Variants in KIAA2012 observed in about 807,000 individuals in gnomAD.
KIAA2012 encodes uncharacterized protein KIAA2012.
KIAA2012 carries 125 observed loss-of-function variants against 150.6 expected under a neutral mutation model. The observed-to-expected ratio is 0.83, with a 90% CI of 0.72 to 0.96. The LOEUF (loss-of-function observed/expected upper bound fraction) is 0.96, where lower values mean the gene tolerates loss of function less well. Among genes scored for constraint, KIAA2012 ranks in the 40% least tolerant of loss-of-function variants. The pLI is 0.00. For missense variants in KIAA2012, 1,219 were observed against 1,354.9 expected, an observed-to-expected ratio of 0.90 and a Z score of 1.57; for synonymous variants, 462 against 504.7, an observed-to-expected ratio of 0.92 and a Z score of 1.13.
At chr2:202,181,587 A>AT (rs1224306682) in intron 15 of KIAA2012, among the ~76,000 whole-genome samples, 1 of 152,056 alleles carries the variant, frequency 6.6e-6, no homozygotes, top group Non-Finnish European at 1.5e-5. Flanking sequence ...GTCTCTAAGA[A>AT]TAAAAAAAAA....
At chr2:202,076,332 A>C (rs1436248483) in intron 2 of KIAA2012, among the ~76,000 whole-genome samples, 1 of 152,146 alleles carries the variant, frequency 6.6e-6, no homozygotes, top group Non-Finnish European at 1.5e-5. Flanking sequence ...GTCATGCATG[A>C]TATTTTCAAT....
chr2:202,143,658 G>A (rs970313060), intron 13 of KIAA2012, among the ~76,000 whole-genome samples: 26 of 150,806 alleles, frequency 1.7e-4, no homozygotes, highest in South Asian at 4.2e-4. Context: ...AAATAATCTC[G>A]GACTCAGTGT....
chr2:202,147,724 CCTGT>C (rs2105948892), intron 13 of KIAA2012, among the ~76,000 whole-genome samples: 2 of 152,162 alleles, frequency 1.3e-5, no homozygotes, highest in Admixed American at 1.3e-4. Flanking sequence ...GTTGAGATTC[CCTGT>C]CTGTCGGTTG....
intron 23 of KIAA2012, among the ~76,000 whole-genome samples, chr2:202,204,250 T>C (rs1692594592): frequency 6.6e-6 from 1 of 151,892 alleles, no homozygotes; most frequent in South Asian, 2.1e-4. Flanking sequence ...CTAATTTGTA[T>C]ATTTTTAGTA....
chr2:202,188,339 T>C, intron 18 of KIAA2012, 73 bp downstream of exon 18: 1 of 1,191,856 alleles, frequency 8.4e-7, no homozygotes, highest in Non-Finnish European at 1.2e-6. Flanking sequence ...TATGGATAAT[T>C]AGCATGGATC....
In KIAA2012 at chr2:202,104,837, A is replaced by T. The variant is rs547274145; in HGVS notation, c.1325-924A>T. Reference sequence around the variant, plus strand: ...GACATCAAAACATCAGAATGAAAAGATACACTTAATAAAAAGACAGACAAT... The same window carrying T: ...GACATCAAAACATCAGAATGAAAAGTTACACTTAATAAAAAGACAGACAAT... On this transcript the variant is annotated intron_variant, in intron 8 of 23. Coordinates refer to ENST00000498697, the MANE Select transcript of KIAA2012 (RefSeq NM_001277372.4). The surrounding 1 kb of genome is among the most constrained non-coding windows in gnomAD (Gnocchi z 4.3). Among the ~76,000 whole-genome samples, 7 of 152,308 alleles carry T rather than the reference A, an allele frequency of 4.6e-5. No individual in the cohort carries two copies. Among genetic ancestry groups the T allele is most frequent in the African/African-American group, 1.4e-4 (6 of 41,570 alleles).
intron 12 of KIAA2012, among the ~76,000 whole-genome samples, chr2:202,132,187 T>A (rs970798455): frequency 1.3e-5 from 2 of 151,950 alleles, no homozygotes; most frequent in African/African-American, 4.8e-5. Flanking sequence ...AAAAAATTTT[T>A]AAAAATGAAA....
At chr2:202,080,194 A>C (rs955891202) in intron 2 of KIAA2012, among the ~76,000 whole-genome samples, 2 of 152,216 alleles carry the variant, frequency 1.3e-5, no homozygotes, top group East Asian at 3.8e-4. Flanking sequence ...CAGTATGTTT[A>C]AAAAGTGGAT....
intron 12 of KIAA2012, among the ~76,000 whole-genome samples, chr2:202,134,270 A>G (rs1657742979): frequency 6.6e-6 from 1 of 152,264 alleles, no homozygotes; most frequent in Non-Finnish European, 1.5e-5. Context: ...AATGATATAC[A>G]TAGACAAAGG....
Position 202,196,920 on chromosome 2 carries a change from A to G in KIAA2012, c.3308A>G (p.Glu1103Gly). The change falls in exon 22 of 24, where the codon GAG becomes GGG. Residue 1103 changes from glutamate (E) to glycine (G), a missense_variant. Glu to Gly is a moderately conservative substitution (Grantham distance 98). Coordinates refer to ENST00000498697, the MANE Select transcript of KIAA2012 (RefSeq NM_001277372.4). The part of the protein sequence containing the change: ...EYQRRKQEAE[E>G]KARLEAEERR... ...CAGCGGCGGAAACAGGAAGCAGAAG[A>G]GAAGGCTCGGCTGGAGGCAGAGGAG... 2 of 1,550,764 alleles carry G rather than the reference A, an allele frequency of 1.3e-6. No homozygotes were observed. The highest frequency in any genetic ancestry group is 1.7e-6 in the Non-Finnish European group (2 of 1,147,016).
At chr2:202,193,559 C>T in intron 20 of KIAA2012, 56 bp downstream of exon 20, 2 of 1,527,450 alleles carry the variant, frequency 1.3e-6, no homozygotes, top group Non-Finnish European at 1.8e-6. Flanking sequence ...AAGAAAAAGA[C>T]AGTGGTTGAC....
At chr2:202,160,051 G>T (rs1220885381) in intron 14 of KIAA2012, among the ~76,000 whole-genome samples, 1 of 152,082 alleles carries the variant, frequency 6.6e-6, no homozygotes, top group Non-Finnish European at 1.5e-5. Context: ...CCCAGTAATT[G>T]TGCTGATCCC....
Position 202,090,886 on chromosome 2 carries a change from G to A in KIAA2012, c.486G>A (p.Leu162=). The change falls in exon 3 of 24, where the codon CTG becomes CTA. Residue 162 remains leucine (L), a synonymous_variant. Coordinates refer to ENST00000498697, the MANE Select transcript of KIAA2012 (RefSeq NM_001277372.4). ...CCAAGAGATACCTCCGAGGCCTCCT[G>A]CGGACTTGGCCCCCAGACGCCATGT... The part of the protein sequence containing the change: ...HSAKRYLRGL[L]RTWPPDAMYR... The A allele has an allele frequency of 6.4e-7, 1 of 1,550,464 alleles. No homozygotes were observed. The highest frequency in any genetic ancestry group is 8.7e-7 in the Non-Finnish European group (1 of 1,146,868).
intron 17 of KIAA2012, 47 bp downstream of exon 17, chr2:202,187,145 C>T: frequency 6.5e-7 from 1 of 1,536,266 alleles, no homozygotes; most frequent in Non-Finnish European, 8.8e-7. Flanking sequence ...CTACTTGGAT[C>T]TCATCAAGGA....
At chr2:202,121,978 G>A (rs1451745827) in intron 11 of KIAA2012, among the ~76,000 whole-genome samples, 1 of 152,222 alleles carries the variant, frequency 6.6e-6, no homozygotes. Flanking sequence ...GATAGACAGA[G>A]AAGGGGAGGG....
chr2:202,119,341 A>G (rs1261212966), intron 11 of KIAA2012, among the ~76,000 whole-genome samples: 1 of 152,158 alleles, frequency 6.6e-6, no homozygotes, highest in Non-Finnish European at 1.5e-5. Context: ...GAAAAAATCA[A>G]TACAAAGTAC....
chr2:202,169,648 A>G lies in KIAA2012; in HGVS notation c.2119+4292A>G, dbSNP rs185961224. Reference sequence around the variant, plus strand: ...CCAGAGATTTTTGTAAGAACCACCTATCTAGACCCATTCTAGCTAGCACCT... The same window carrying G: ...CCAGAGATTTTTGTAAGAACCACCTGTCTAGACCCATTCTAGCTAGCACCT... On this transcript the variant is annotated intron_variant, in intron 15 of 23. Transcript: ENST00000498697. Among the ~76,000 whole-genome samples the G allele has an allele frequency of 3.3e-5, 5 of 152,278 alleles. No homozygotes were observed. In the East Asian group the frequency reaches 9.7e-4, roughly 29 times the overall value.
At chr2:202,114,719 T>A (rs1361535810) in intron 11 of KIAA2012, 1 of 163,844 alleles carries the variant, frequency 6.1e-6, no homozygotes, top group East Asian at 1.9e-4. Flanking sequence ...TCACAATAAA[T>A]GTTCATTTAA....
intron 7 of KIAA2012, among the ~76,000 whole-genome samples, chr2:202,101,331 G>A (rs1690038587): frequency 6.6e-6 from 1 of 152,226 alleles, no homozygotes; most frequent in Non-Finnish European, 1.5e-5. Context: ...CAGATTTCCT[G>A]TGTCTGAGTT....
Sources: allele counts gnomAD v4.1 joint callset (sites outside exome capture counted in the v4.1 genomes callset), GRCh38; gene constraint gnomAD v4.1.1; non-coding constraint Gnocchi (gnomAD v3.1); transcripts MANE v1.5; gene names NCBI Gene and HGNC (gene_info 2026-07-23, HGNC 2026-07-21).